PTPRK: variants seen among roughly 807,000 people sequenced by gnomAD.
PTPRK encodes the protein receptor-type tyrosine-protein phosphatase kappa.
In PTPRK, 75 loss-of-function variants were observed where a neutral mutation model predicts 178.0. The ratio of observed to expected loss-of-function variants is 0.42; its 90% CI spans 0.35 to 0.51. PTPRK has a LOEUF of 0.51. PTPRK is among the 20% of genes least tolerant of loss of function. PTPRK has a pLI of 0.02. For missense variants in PTPRK, 1,441 were observed against 1,797.8 expected (o/e 0.80, Z 3.59); for synonymous variants, 637 against 620.6 (o/e 1.03, Z -0.39).
At chr6:128,499,808 A>C (rs1171229964) in intron 1 of PTPRK, among the ~76,000 whole-genome samples, 3 of 152,150 alleles carry the variant, frequency 2.0e-5, no homozygotes, top group South Asian at 4.1e-4. Context: ...AAAATGTATG[A>C]TTACCTTTGT....
chr6:128,380,332 T>C (rs1349308505), intron 2 of PTPRK, among the ~76,000 whole-genome samples: 2 of 152,068 alleles, frequency 1.3e-5, no homozygotes, highest in African/African-American at 4.8e-5. Context: ...TCAACTTTGA[T>C]TGCATCAGCA....
At chr6:128,437,865 G>A (rs1845792088) in intron 1 of PTPRK, among the ~76,000 whole-genome samples, 1 of 152,162 alleles carries the variant, frequency 6.6e-6, no homozygotes, top group Non-Finnish European at 1.5e-5. Flanking sequence ...AGAAGCTGTC[G>A]CGATTCCCAG....
chr6:128,333,951 G>A (rs1320019317), intron 2 of PTPRK, among the ~76,000 whole-genome samples: 1 of 152,122 alleles, frequency 6.6e-6, no homozygotes, highest in Non-Finnish European at 1.5e-5. Flanking sequence ...GGCCACCGTA[G>A]GGTTACTAAT....
intron 7 of PTPRK, among the ~76,000 whole-genome samples, chr6:128,152,633 C>CA (rs1797429689): frequency 6.6e-6 from 1 of 151,294 alleles, no homozygotes; most frequent in Admixed American, 6.6e-5. Context: ...AGGGTCTGAG[C>CA]AGTGTGTGGG....
intron 3 of PTPRK, among the ~76,000 whole-genome samples, chr6:128,290,807 A>C (rs368833059): frequency 2.5e-3 from 387 of 152,236 alleles, no homozygotes; most frequent in African/African-American, 8.7e-3. Flanking sequence ...CCAAAAACTA[A>C]GGGTGTAATA....
intron 13 of PTPRK, among the ~76,000 whole-genome samples, chr6:128,053,149 AACACACACACACAC>A (rs61106638): frequency 4.8e-5 from 7 of 145,036 alleles, no homozygotes; most frequent in African/African-American, 1.8e-4. Flanking sequence ...ATGTGTATGG[AACACACACACACAC>A]ACACACACAC....
chr6:127,973,978 AC>A, intron 27 of PTPRK, 151 bp from the exon 28 acceptor site: 1 of 678,356 alleles, frequency 1.5e-6, no homozygotes, highest in Non-Finnish European at 2.3e-6. Flanking sequence ...TAGTAAAAAA[AC>A]ATTCTAAGTG....
At chr6:128,147,614 T>G (rs555231763) in intron 7 of PTPRK, among the ~76,000 whole-genome samples, 1 of 152,292 alleles carries the variant, frequency 6.6e-6, no homozygotes, top group East Asian at 1.9e-4. Flanking sequence ...TACAGAGACT[T>G]CTTCCTATCA....
At chr6:128,094,556 T>C (rs1787584389) in intron 7 of PTPRK, among the ~76,000 whole-genome samples, 1 of 152,082 alleles carries the variant, frequency 6.6e-6, no homozygotes, top group African/African-American at 2.4e-5. Context: ...AGACACAGAT[T>C]GGGGGGTAAA....
intron 5 of PTPRK, among the ~76,000 whole-genome samples, chr6:128,236,041 T>C (rs1208608731): frequency 2.0e-5 from 3 of 152,134 alleles, no homozygotes; most frequent in African/African-American, 4.8e-5. Flanking sequence ...AACTTGATCA[T>C]AGGTATGTAT....
rs183299211 is a variant in PTPRK at position 128,394,610 on chromosome 6, T to C, written c.223+2956A>G. On this transcript the variant is annotated intron_variant, in intron 2 of 29. Coordinates refer to ENST00000368226, the MANE Select transcript of PTPRK (RefSeq NM_002844.4). ...ATGATTTGGGGACACTAGAACTGTC[T>C]TATGAAGTACTCATTCTTCTGCATG... Among the ~76,000 whole-genome samples the C allele has an allele frequency of 1.6e-4, 25 of 152,332 alleles. No homozygotes were observed. The East Asian group carries it at 4.8e-3, about 29-fold the overall frequency.
chr6:128,397,439 G>A (rs1840462771), intron 2 of PTPRK, 127 bp downstream of exon 2: 1 of 1,137,504 alleles, frequency 8.8e-7, no homozygotes, highest in East Asian at 2.4e-5. Context: ...GCTCTTAGAA[G>A]TGATCCAGTA....
chr6:127,990,997 C>T lies in PTPRK; in HGVS notation c.2980-112G>A, dbSNP rs77556373. The T allele has an allele frequency of 1.1e-3, 783 of 701,190 alleles. 8 individuals carry two copies. The African/African-American group carries it at 0.012, about 11-fold the overall frequency. The allele number at this position is 701,190 out of a possible 1,614,324, so 43.4% of individuals were successfully genotyped here. On this transcript the variant is annotated intron_variant, in intron 20 of 29. Transcript: ENST00000368226. The stretch of plus-strand genomic sequence containing the variant: ...CACAATTAAAACTCAGTTTAAAAAT[C>T]TATAAATGAGAAAAAAATCTATTAT...
chr6:128,366,012 C>A (rs1305486454), intron 2 of PTPRK, among the ~76,000 whole-genome samples: 1 of 152,110 alleles, frequency 6.6e-6, no homozygotes, highest in Non-Finnish European at 1.5e-5. Flanking sequence ...AAGTTCAGAT[C>A]AGTCACAGGG....
chr6:128,070,521 G>A lies in PTPRK; in HGVS notation c.1884-2729C>T, dbSNP rs149928041. ...ACCTAGTATTTTGTAATAGCAGCCT[G>A]AGCAAACTAAGACACATAAATACAA... On this transcript the variant is annotated intron_variant, in intron 11 of 29. Transcript: ENST00000368226. Among the ~76,000 whole-genome samples the A allele has an allele frequency of 9.9e-5, 15 of 152,094 alleles. No individual in the cohort carries two copies. In the East Asian group the frequency reaches 2.5e-3, roughly 26 times the overall value.
At chr6:128,178,388 C>G (rs1801407729) in intron 7 of PTPRK, among the ~76,000 whole-genome samples, 1 of 151,826 alleles carries the variant, frequency 6.6e-6, no homozygotes, top group African/African-American at 2.4e-5. Context: ...ATCAAATACA[C>G]AGTAGCTCTT....
chr6:127,992,783 G>T, intron 18 of PTPRK, 74 bp from the exon 19 acceptor site: 1 of 1,181,520 alleles, frequency 8.5e-7, no homozygotes. Flanking sequence ...ATAAAAAGAT[G>T]AAGACAACCA....
intron 13 of PTPRK, among the ~76,000 whole-genome samples, chr6:128,015,520 C>T (rs963211968): frequency 6.6e-6 from 1 of 151,724 alleles, no homozygotes; most frequent in African/African-American, 2.4e-5. Context: ...ATGTTGGCTA[C>T]CTCAGATTTA....
At chr6:128,502,894 T>C (rs1192555907) in intron 1 of PTPRK, among the ~76,000 whole-genome samples, 1 of 152,104 alleles carries the variant, frequency 6.6e-6, no homozygotes, top group Non-Finnish European at 1.5e-5. Context: ...AATTCAGCCA[T>C]GGTGGTAGTA....
Sources: allele counts gnomAD v4.1 joint callset (sites outside exome capture counted in the v4.1 genomes callset), GRCh38; gene constraint gnomAD v4.1.1; transcripts MANE v1.5; gene names NCBI Gene and HGNC (gene_info 2026-07-23, HGNC 2026-07-21).